The following WSCD2 variants were observed in gnomAD, a reference collection of about 807,000 sequenced individuals.
The protein encoded by WSCD2 is sialate:O-sulfotransferase 2.
A neutral mutation model predicts 55.7 loss-of-function variants in WSCD2; 28 were observed. That is an observed-to-expected ratio of 0.50 (90% CI 0.37 to 0.69). The LOEUF (loss-of-function observed/expected upper bound fraction) is 0.69. Ranked by LOEUF, WSCD2 falls within the 30% of genes least tolerant of loss-of-function variation. The pLI, the probability that WSCD2 is intolerant of heterozygous loss-of-function variation, is 0.00. For missense variants in WSCD2, 616 were observed against 762.1 expected, an observed-to-expected ratio of 0.81 and a Z score of 2.26; for synonymous variants, 301 against 301.9, an observed-to-expected ratio of 1.00 and a Z score of 0.03.
In WSCD2 at chr12:108,196,173, C is replaced by T; in HGVS notation, c.341C>T (p.Ala114Val). The stretch of plus-strand genomic sequence containing the variant: ...GACTACGGTGGAGCCTGGAGCCGAG[C>T]CCTCAAGGGGAGGGTTGTCCGGGAG... The part of the protein sequence containing the change: ...LGDYGGAWSR[A>V]LKGRVVREKE... Residue 114 changes from alanine (A) to valine (V), a missense_variant, in exon 2 of 9, where the codon GCC becomes GTC. Transcript: ENST00000547525. 1.2e-6 allele frequency: 2 copies of T among 1,613,972 alleles called. No individual in the cohort carries two copies. The highest frequency in any genetic ancestry group is 4.5e-5 in the East Asian group (2 of 44,864).
At chr12:108,213,020 A>T (rs1490343413) in intron 4 of WSCD2, among the ~76,000 whole-genome samples, 2 of 152,296 alleles carry the variant, frequency 1.3e-5, no homozygotes, top group African/African-American at 4.8e-5. Flanking sequence ...TTGGACAAGG[A>T]GAGAGATGGT....
chr12:108,202,754 C>G (rs1032707128), intron 2 of WSCD2, among the ~76,000 whole-genome samples: 6 of 152,140 alleles, frequency 3.9e-5, no homozygotes, highest in African/African-American at 1.4e-4. Flanking sequence ...CTATTGGGTA[C>G]TACGCTTAAT....
intron 1 of WSCD2, among the ~76,000 whole-genome samples, chr12:108,143,832 G>C (rs190854073): frequency 6.6e-6 from 1 of 152,198 alleles, no homozygotes; most frequent in African/African-American, 2.4e-5. Context: ...CCCAGCTCCT[G>C]TGTCAGTTTA....
At chr12:108,218,091 T>C (rs575543462) in intron 4 of WSCD2, among the ~76,000 whole-genome samples, 30 of 152,298 alleles carry the variant, frequency 2.0e-4, no homozygotes, top group Admixed American at 9.1e-4. Flanking sequence ...GCCCCCTCTC[T>C]AGTACCTGCA....
chr12:108,248,705 T>A lies in WSCD2; in HGVS notation c.*362T>A. 1 of 1,030,084 alleles carries A rather than the reference T, an allele frequency of 9.7e-7. No homozygotes were observed. Among genetic ancestry groups the A allele is most frequent in the South Asian group, 4.1e-5 (1 of 24,440 alleles). 63.8% of individuals were successfully genotyped at this position (1,030,084 alleles called of 1,614,324 possible). On this transcript the variant is annotated 3_prime_UTR_variant, in exon 9 of 9. Transcript: ENST00000547525. The surrounding 1 kb of genome is among the most constrained non-coding windows in gnomAD (Gnocchi z 4.3). Reference sequence around the variant, plus strand: ...AGACTTGCTGGATGCCCCATGGCAATTGTCAAGGCTCTTGATGCAAGAGCC... The same window carrying A: ...AGACTTGCTGGATGCCCCATGGCAAATGTCAAGGCTCTTGATGCAAGAGCC...
chr12:108,233,713 A>G (rs1438027212), intron 7 of WSCD2, among the ~76,000 whole-genome samples: 3 of 152,206 alleles, frequency 2.0e-5, no homozygotes, highest in Admixed American at 2.0e-4. Context: ...CAAAGCCCAC[A>G]TCTTTATTAC....
chr12:108,232,663 C>G (rs1888898908), intron 6 of WSCD2, 68 bp from the exon 7 acceptor site: 18 of 1,481,868 alleles, frequency 1.2e-5, no homozygotes, highest in Non-Finnish European at 1.6e-5. Context: ...TGACTCATAC[C>G]CTGGCCCTTT....
chr12:108,203,413 G>A (rs923553361), intron 2 of WSCD2, among the ~76,000 whole-genome samples: 3 of 152,168 alleles, frequency 2.0e-5, no homozygotes, highest in African/African-American at 7.2e-5. Flanking sequence ...CCTGGGAGAG[G>A]CAGATTTCTT....
chr12:108,131,648 G>A (rs539330661), intron 1 of WSCD2: 50 of 152,416 alleles, frequency 3.3e-4, no homozygotes, highest in African/African-American at 9.9e-4. Context: ...TTTCCCCAGG[G>A]AGGCTGGCCC....
rs1875669584 is a variant in WSCD2 at position 108,132,399 on chromosome 12, CT to C, written c.-552+2475del. On this transcript the variant is annotated intron_variant, in intron 1 of 8. Transcript: ENST00000547525. ...TCTCATGCAGGTGTGGGCTCATGTG[CT>C]TGTGTGAGCATAACTTACATGAGAA... is the stretch of plus-strand genomic sequence containing the variant. 2.0e-5 allele frequency among the ~76,000 whole-genome samples: 3 copies of C among 152,032 alleles called. No homozygotes were observed. In the South Asian group the frequency reaches 6.2e-4, roughly 32 times the overall value.
At position 108,185,479 on chromosome 12, in the gene WSCD2, G is replaced by A. The variant is rs558350154; in HGVS notation, c.-551-9803G>A. Among the ~76,000 whole-genome samples the A allele has an allele frequency of 3.3e-5, 5 of 152,218 alleles. No homozygotes were observed. In the East Asian group the frequency reaches 9.7e-4, roughly 29 times the overall value. ...AGATCTCAGCTCAAATGCCTTCTGA[G>A]AGGGGCCTTTGGGAACCACCCTACC... On this transcript the variant is annotated intron_variant, in intron 1 of 8. Transcript: ENST00000547525.
chr12:108,226,980 C>A lies in WSCD2; in HGVS notation c.805-10C>A. On this transcript the variant is annotated splice_polypyrimidine_tract_variant and intron_variant, in intron 5 of 8. Coordinates refer to ENST00000547525, the MANE Select transcript of WSCD2 (RefSeq NM_014653.4). ...ACTCTCTTCCTCTTCTTCTCCCACT[C>A]CATCCCCAGGAGTACCCGCTGGCAG... is the stretch of plus-strand genomic sequence containing the variant. The A allele has an allele frequency of 6.2e-7, 1 of 1,610,176 alleles. No homozygotes were observed. Among genetic ancestry groups the A allele is most frequent in the South Asian group, 1.1e-5 (1 of 90,652 alleles).
intron 4 of WSCD2, among the ~76,000 whole-genome samples, chr12:108,223,966 G>A (rs973280792): frequency 1.3e-5 from 2 of 152,174 alleles, no homozygotes; most frequent in Non-Finnish European, 2.9e-5. Context: ...GTTCTGTCTG[G>A]TCCTGCCTCC....
At position 108,199,588 on chromosome 12, in the gene WSCD2, C is replaced by T. The variant is rs1007511608; in HGVS notation, c.382+3374C>T. Among the ~76,000 whole-genome samples, 6 of 152,348 alleles carry T rather than the reference C, an allele frequency of 3.9e-5. No homozygotes were observed. In the South Asian group the frequency reaches 8.3e-4, roughly 21 times the overall value. On this transcript the variant is annotated intron_variant, in intron 2 of 8. Coordinates refer to ENST00000547525, the MANE Select transcript of WSCD2 (RefSeq NM_014653.4). ...CATTTCCTCTTTGGGATAAAAAGTA[C>T]TTAACATCAGATGGCGTTGTGATGA...
At chr12:108,177,063 G>A (rs1880975093) in intron 1 of WSCD2, among the ~76,000 whole-genome samples, 2 of 152,084 alleles carry the variant, frequency 1.3e-5, no homozygotes. Context: ...AGTTCTGCAA[G>A]CCATCCCAGC....
At chr12:108,223,350 ATATTT>A (rs1012899157) in intron 4 of WSCD2, among the ~76,000 whole-genome samples, 3 of 152,218 alleles carry the variant, frequency 2.0e-5, no homozygotes, top group African/African-American at 4.8e-5. Context: ...TACAAAATTG[ATATTT>A]TATAACCTGT....
intron 1 of WSCD2, among the ~76,000 whole-genome samples, chr12:108,154,014 A>G (rs1386131342): frequency 1.3e-5 from 2 of 152,270 alleles, no homozygotes; most frequent in Non-Finnish European, 1.5e-5. Context: ...TGCTCAACAC[A>G]TGGCTGTAAA....
At chr12:108,192,299 G>T (rs956944514) in intron 1 of WSCD2, among the ~76,000 whole-genome samples, 3 of 152,158 alleles carry the variant, frequency 2.0e-5, no homozygotes, top group African/African-American at 7.2e-5. Flanking sequence ...CACTTTACAG[G>T]TGAGGAACCT....
chr12:108,196,287 T>C, intron 2 of WSCD2, 73 bp downstream of exon 2: 4 of 1,482,168 alleles, frequency 2.7e-6, no homozygotes, highest in Non-Finnish European at 3.6e-6. Context: ...TAATAACAGC[T>C]GTCAGTTTTC....
Sources: gnomAD v4.1 joint callset for allele counts (sites outside exome capture counted in the v4.1 genomes callset) on GRCh38, gnomAD v4.1.1 for gene constraint, Gnocchi (gnomAD v3.1) non-coding constraint, MANE v1.5 for transcripts, NCBI Gene and HGNC (gene_info 2026-07-23, HGNC 2026-07-21) for gene names.